DICER1: variants seen among roughly 807,000 people sequenced by gnomAD.
DICER1 encodes endoribonuclease Dicer.
DICER1 carries 43 observed loss-of-function variants against 194.1 expected under a neutral mutation model. The observed-to-expected ratio is 0.22, with a 90% CI of 0.17 to 0.29. DICER1 has a LOEUF of 0.29. DICER1 is among the 10% of genes least tolerant of loss of function. DICER1 has a pLI of 1.00. For synonymous variants in DICER1, 832 were observed against 820.5 expected (o/e 1.01, Z -0.24); for missense variants, 1,608 against 2,317.0 (o/e 0.69, Z 6.28).
At chr14:95,129,994 A>C in intron 5 of DICER1, 64 bp downstream of exon 5, 1 of 1,530,058 alleles carries the variant, frequency 6.5e-7, no homozygotes, top group Non-Finnish European at 9.0e-7. Context: ...GAAATCTAAA[A>C]ACAAAAATCT....
rs1894134510 is a variant in DICER1, at chr14:95,133,469, T to C, written c.-11A>G. On this transcript the variant is annotated 5_prime_UTR_variant, in exon 2 of 27. Coordinates refer to ENST00000343455, the MANE Select transcript of DICER1 (RefSeq NM_177438.3). ...AGCAGGGCTTTTCATTCATCCAGTG[T>C]TTCTTTCATTGCATTTTTGTTCTAG... The C allele has an allele frequency of 2.5e-6, 4 of 1,609,214 alleles. No individual in the cohort carries two copies. In the South Asian group the frequency reaches 3.3e-5, roughly 13 times the overall value.
At chr14:95,112,677 AAGC>A (rs1053918933) in intron 12 of DICER1, among the ~76,000 whole-genome samples, 1 of 152,222 alleles carries the variant, frequency 6.6e-6, no homozygotes, top group African/African-American at 2.4e-5. Flanking sequence ...TATTTACAAA[AAGC>A]AGATTTTTGA....
chr14:95,132,711 C>G (rs767768166), intron 2 of DICER1, 34 bp from the exon 3 acceptor site: 1 of 1,599,544 alleles, frequency 6.3e-7, no homozygotes, highest in East Asian at 2.2e-5. Flanking sequence ...TTATGCACTT[C>G]TTACCTAAGT....
intron 8 of DICER1, among the ~76,000 whole-genome samples, chr14:95,122,229 G>A (rs769537200): frequency 2.4e-4 from 37 of 152,084 alleles, no homozygotes; most frequent in Non-Finnish European, 4.6e-4. Flanking sequence ...AACCTTTTCA[G>A]GCTAATATTC....
At chr14:95,110,933 T>C (rs1474863742) in intron 14 of DICER1, among the ~76,000 whole-genome samples, 2 of 152,148 alleles carry the variant, frequency 1.3e-5, no homozygotes, top group Admixed American at 6.5e-5. Context: ...TCTTTTCACT[T>C]GCTTATTTTA....
chr14:95,155,961 T>C (rs1473170924), intron 1 of DICER1, among the ~76,000 whole-genome samples: 1 of 152,226 alleles, frequency 6.6e-6, no homozygotes. Context: ...CAAAATAAAC[T>C]GGCTATTCCA....
chr14:95,105,555 G>A lies in DICER1; in HGVS notation c.3093+123C>T. On this transcript the variant is annotated intron_variant, in intron 19 of 26. Coordinates refer to ENST00000343455, the MANE Select transcript of DICER1 (RefSeq NM_177438.3). This position sits in a 1 kb window ranked among gnomAD's most constrained non-coding sequence, Gnocchi z 4.9. ...AAAACAAAACAAAATTTGAGGATTA[G>A]GTAACTTCTAAAAAATTAACGAATC... 1.2e-6 allele frequency: 1 copy of A among 819,438 alleles called. No homozygotes were observed. The highest frequency in any genetic ancestry group is 1.5e-5 in the South Asian group (1 of 65,940). The allele number at this position is 819,438 out of a possible 1,614,324, so 50.8% of individuals were successfully genotyped here. A position where few individuals can be genotyped will look rare whatever the true frequency, so the allele number is the denominator to read the frequency against.
rs919154764 is a variant in DICER1, at chr14:95,135,926, A to T, written c.-45-2423T>A. Among the ~76,000 whole-genome samples, 11 of 152,254 alleles carry T rather than the reference A, an allele frequency of 7.2e-5. No individual in the cohort carries two copies. In the South Asian group the frequency reaches 1.9e-3, roughly 26 times the overall value. On this transcript the variant is annotated intron_variant, in intron 1 of 26. Coordinates refer to ENST00000343455, the MANE Select transcript of DICER1 (RefSeq NM_177438.3). The stretch of plus-strand genomic sequence containing the variant: ...TTGAATTCATTTTTAAAACGAGATA[A>T]CAGCAATGTTAAAATTCCCTGAAGT...
Position 95,124,731 on chromosome 14 carries a change from G to A in DICER1, c.904-63C>T. On this transcript the variant is annotated intron_variant, in intron 7 of 26. Coordinates refer to ENST00000343455, the MANE Select transcript of DICER1 (RefSeq NM_177438.3). The surrounding 1 kb of genome is among the most constrained non-coding windows in gnomAD (Gnocchi z 4.5). ...AATAATAATGTAGCATTTTCATGTG[G>A]GGTTTAACTGGGATTTCAGTTGTTC... The A allele has an allele frequency of 7.5e-7, 1 of 1,339,652 alleles. No individual in the cohort carries two copies. Among genetic ancestry groups the A allele is most frequent in the Non-Finnish European group, 1.1e-6 (1 of 939,160 alleles). 83.0% of individuals were successfully genotyped at this position (1,339,652 alleles called of 1,614,324 possible).
chr14:95,090,550 C>A lies in DICER1; in HGVS notation c.5717G>T (p.Arg1906Ile). The change falls in exon 27 of 27, where the codon AGA becomes ATA. Residue 1906 changes from arginine (R) to isoleucine (I), a missense_variant. Transcript: ENST00000343455. ...AGCTTTGAGGCTTCGGAGGGCTCTT[C>A]TTGCTGCTGCAGATTTGGCAATCCT... Reference protein sequence around the residue: ...SYRIAKSAAARRALRSLKANQ... With the variant: ...SYRIAKSAAAIRALRSLKANQ... 1 of 1,614,168 alleles carries A rather than the reference C, an allele frequency of 6.2e-7. No individual in the cohort carries two copies. Among genetic ancestry groups the A allele is most frequent in the Non-Finnish European group, 8.5e-7 (1 of 1,180,026 alleles).
chr14:95,099,087 G>A (rs1890622754), intron 22 of DICER1, among the ~76,000 whole-genome samples: 1 of 152,168 alleles, frequency 6.6e-6, no homozygotes, highest in Non-Finnish European at 1.5e-5. Context: ...AAATGAAACT[G>A]TCTGAAGCAT....
Position 95,124,678 on chromosome 14 carries a change from A to T in DICER1, c.904-10T>A. 1 of 1,600,612 alleles carries T rather than the reference A, an allele frequency of 6.2e-7. No individual in the cohort carries two copies. Among genetic ancestry groups the T allele is most frequent in the East Asian group, 2.2e-5 (1 of 44,792 alleles). ...GACAGTCTGATAGTATCTACAAAAA[A>T]AAGAAAAGAAAAAACCTAATGCCAA... is the stretch of plus-strand genomic sequence containing the variant. On this transcript the variant is annotated splice_polypyrimidine_tract_variant and intron_variant, in intron 7 of 26. Transcript: ENST00000343455. The surrounding 1 kb of genome is among the most constrained non-coding windows in gnomAD (Gnocchi z 4.5).
chr14:95,138,986 T>TAAAAAAAAAAAAAAAAAAAA (rs1289692370), intron 1 of DICER1, among the ~76,000 whole-genome samples: 1 of 31,674 alleles, frequency 3.2e-5, no homozygotes, highest in African/African-American at 1.6e-4. Flanking sequence ...TAAAAATAAA[T>TAAAAAAAAAAAAAAAAAAAA]AAAAAAATAA....
chr14:95,130,458 A>G (rs990141546), intron 4 of DICER1, among the ~76,000 whole-genome samples: 2 of 152,246 alleles, frequency 1.3e-5, no homozygotes, highest in African/African-American at 4.8e-5. Flanking sequence ...TCAGGTTCTT[A>G]GATCCCCACA....
intron 1 of DICER1, among the ~76,000 whole-genome samples, chr14:95,135,215 CT>C (rs146309209): frequency 0.025 from 3,866 of 152,340 alleles, 80 homozygotes; most frequent in Non-Finnish European, 0.042. Flanking sequence ...AGACTGCATA[CT>C]GTCTAGCACT....
chr14:95,130,429 C>T (rs551671054), intron 4 of DICER1, among the ~76,000 whole-genome samples: 62 of 152,296 alleles, frequency 4.1e-4, no homozygotes, highest in African/African-American at 1.2e-3. Context: ...CATGTCTTGA[C>T]GACAAATCTA....
At chr14:95,113,329 T>G (rs1046011710) in intron 11 of DICER1, 105 bp from the exon 12 acceptor site, 1 of 1,124,018 alleles carries the variant, frequency 8.9e-7, no homozygotes, top group Non-Finnish European at 1.3e-6. Flanking sequence ...TCTACTGAAT[T>G]TGTATTTATA....
At position 95,108,364 on chromosome 14, in the gene DICER1, G is replaced by A. The variant is rs1595381964; in HGVS notation, c.2396C>T (p.Thr799Ile). 1 of 1,613,686 alleles carries A rather than the reference G, an allele frequency of 6.2e-7. No homozygotes were observed. Among genetic ancestry groups the A allele is most frequent in the Non-Finnish European group, 8.5e-7 (1 of 1,179,986 alleles). Residue 799 changes from threonine (T) to isoleucine (I), a missense_variant, in exon 15 of 27, where the codon ACA (threonine) becomes ATA (isoleucine). Thr to Ile is a moderately conservative substitution (Grantham distance 89). Around this residue, in one of 10 missense-constraint regions of DICER1, gnomAD observed 150 missense variants for 216.0 expected, o/e 0.69. Transcript: ENST00000343455. ...GGCCGTCAGTATTCCAAAGCATCTT[G>A]TGGTATCTTCAGGAGGATAGAGCTT... is the stretch of plus-strand genomic sequence containing the variant. ...RRKLYPPEDT[T>I]RCFGILTAKP...
intron 1 of DICER1, among the ~76,000 whole-genome samples, chr14:95,136,430 G>A (rs971083464): frequency 6.6e-6 from 1 of 152,072 alleles, no homozygotes; most frequent in African/African-American, 2.4e-5. Flanking sequence ...CAGGCTGAGT[G>A]CAGTGGTGCA....
Sources: gnomAD v4.1 joint callset for allele counts (sites outside exome capture counted in the v4.1 genomes callset) on GRCh38, gnomAD v4.1.1 for gene constraint, gnomAD v4.1.1 regional missense constraint, Gnocchi (gnomAD v3.1) non-coding constraint, MANE v1.5 for transcripts, NCBI Gene and HGNC (gene_info 2026-07-23, HGNC 2026-07-21) for gene names.